FRMD4B: variants seen among roughly 807,000 people sequenced by gnomAD.
FRMD4B encodes FERM domain containing 4B, also known as FERM domain-containing protein 4B.
Under a neutral mutation model 141.5 loss-of-function variants are expected in FRMD4B, and 74 were observed. The ratio of observed to expected loss-of-function variants is 0.52; its 90% CI spans 0.43 to 0.63. The LOEUF is 0.63. FRMD4B is among the 30% of genes least tolerant of loss of function. The pLI is 0.00. For synonymous variants in FRMD4B, 506 were observed against 467.9 expected (o/e 1.08, Z -1.05); for missense variants, 1,366 against 1,253.4 (o/e 1.09, Z -1.36).
At chr3:69,313,151 A>C (rs936238132) in intron 2 of FRMD4B, among the ~76,000 whole-genome samples, 1 of 152,204 alleles carries the variant, frequency 6.6e-6, no homozygotes, top group South Asian at 2.1e-4. Context: ...TCAGAGAAGT[A>C]AAGTCAATTT....
rs145921735 is a variant in FRMD4B, at chr3:69,356,422, C to T, written c.162+29406G>A. On this transcript the variant is annotated intron_variant, in intron 1 of 22. Coordinates refer to ENST00000398540, the MANE Select transcript of FRMD4B (RefSeq NM_015123.3). ...AGCCTCCCAGCCTACATCTTTCTCT[C>T]GTGCTGGATGCTTCCTGACCTGGAA... Among the ~76,000 whole-genome samples the T allele has an allele frequency of 1.9e-3, 296 of 152,188 alleles. 2 individuals carry two copies. The highest frequency in any genetic ancestry group is 6.8e-3 in the African/African-American group (283 of 41,542).
intron 2 of FRMD4B, among the ~76,000 whole-genome samples, chr3:69,429,754 T>C (rs1472772360): frequency 7.4e-6 from 1 of 134,400 alleles, no homozygotes; most frequent in Non-Finnish European, 1.5e-5. Flanking sequence ...CCTCTTCTTT[T>C]TTTTTTTTTT....
Position 69,216,295 on chromosome 3 carries a change from A to G in FRMD4B, c.844T>C (p.Tyr282His). Residue 282 changes from tyrosine to histidine, a missense_variant, in exon 11 of 23, where the codon TAT (tyrosine) becomes CAT (histidine). Coordinates refer to ENST00000398540, the MANE Select transcript of FRMD4B (RefSeq NM_015123.3). ...LGISYKGIGQYDIQDKVKPRK... is the reference protein window; with the variant it reads ...LGISYKGIGQHDIQDKVKPRK... ...GGCTTCACCTTGTCTTGTATATCAT[A>G]TTGGCCAATTCCCTTATAGCTTATT... 16 of 1,574,358 alleles carry G rather than the reference A, an allele frequency of 1.0e-5. No homozygotes were observed. Among genetic ancestry groups the G allele is most frequent in the Non-Finnish European group, 1.3e-5 (15 of 1,152,942 alleles).
At chr3:69,353,654 T>G in intron 1 of FRMD4B, 2 of 983,128 alleles carry the variant, frequency 2.0e-6, no homozygotes, top group Non-Finnish European at 2.4e-6. Flanking sequence ...CGCGCGCGTG[T>G]GTGTGCGCGC....
chr3:69,236,256 T>C (rs1234082985), intron 7 of FRMD4B, among the ~76,000 whole-genome samples: 1 of 149,496 alleles, frequency 6.7e-6, no homozygotes, highest in Non-Finnish European at 1.5e-5. Flanking sequence ...CGAGATGGAG[T>C]CTCGCTCTGT....
At chr3:69,379,003 G>C (rs1313028206) in intron 1 of FRMD4B, among the ~76,000 whole-genome samples, 1 of 152,056 alleles carries the variant, frequency 6.6e-6, no homozygotes, top group East Asian at 1.9e-4. Flanking sequence ...CATCTAAAAA[G>C]GCAAAGCCCT....
At chr3:69,406,537 C>A (rs778296834) in intron 2 of FRMD4B, among the ~76,000 whole-genome samples, 8 of 151,668 alleles carry the variant, frequency 5.3e-5, no homozygotes, top group Non-Finnish European at 7.3e-5. Flanking sequence ...TCCTCTCCAA[C>A]TTCTGGGGAA....
intron 1 of FRMD4B, among the ~76,000 whole-genome samples, chr3:69,535,377 G>T (rs1017898415): frequency 7.9e-5 from 12 of 152,312 alleles, no homozygotes; most frequent in African/African-American, 2.6e-4. Context: ...ATAGGGTGCG[G>T]TGAGCATTGA....
chr3:69,288,026 ATC>A (rs1700748741), intron 4 of FRMD4B, among the ~76,000 whole-genome samples, 190 bp from the exon 5 acceptor site: 1 of 152,216 alleles, frequency 6.6e-6, no homozygotes, highest in Non-Finnish European at 1.5e-5. Flanking sequence ...TATACCTAAA[ATC>A]TCTTTCAGGA....
rs535651320 is a variant in FRMD4B, at chr3:69,376,373, A to G, written c.162+9455T>C. On this transcript the variant is annotated intron_variant, in intron 1 of 22. Transcript: ENST00000398540. ...ATTGAAATAAGTCCTAAAGTTTTTT[A>G]TTCTTAAAGGTAGCACATGCAAAGT... Among the ~76,000 whole-genome samples, 43 of 152,172 alleles carry G rather than the reference A, an allele frequency of 2.8e-4. No individual in the cohort carries two copies. The South Asian group carries it at 8.5e-3, about 30-fold the overall frequency.
At chr3:69,206,253 G>A (rs2093023519) in intron 11 of FRMD4B, among the ~76,000 whole-genome samples, 1 of 152,150 alleles carries the variant, frequency 6.6e-6, no homozygotes, top group Non-Finnish European at 1.5e-5. Context: ...GGGAGGCTGA[G>A]GCAGGAAAAT....
chr3:69,263,491 C>T (rs963785428), intron 5 of FRMD4B, among the ~76,000 whole-genome samples: 3 of 147,982 alleles, frequency 2.0e-5, no homozygotes, highest in African/African-American at 7.5e-5. Flanking sequence ...ACTGCAGCCT[C>T]GAACTCCTGG....
chr3:69,255,443 G>A (rs573985421), intron 5 of FRMD4B, among the ~76,000 whole-genome samples: 1 of 152,148 alleles, frequency 6.6e-6, no homozygotes, highest in Non-Finnish European at 1.5e-5. Flanking sequence ...TACTCAGGAG[G>A]TGGAGTGGGG....
chr3:69,540,550 G>C lies in FRMD4B; in HGVS notation c.-129+1656C>G, dbSNP rs1426213128. On this transcript the variant is annotated intron_variant, in intron 1 of 5. Transcript: ENST00000459638. ...ACTCGCTTGAACTCGGGAGGCAGAG[G>C]TTGCAGTGAGCCGAGATCGGCCACT... 4.2e-5 allele frequency among the ~76,000 whole-genome samples: 6 copies of C among 142,854 alleles called. No individual in the cohort carries two copies. In the East Asian group the frequency reaches 1.3e-3, roughly 30 times the overall value. 93.7% of individuals were successfully genotyped at this position (142,854 alleles called of 152,430 possible). A position where few individuals can be genotyped will look rare whatever the true frequency, so the allele number is the denominator to read the frequency against.
chr3:69,267,207 A>G (rs1040449435), intron 5 of FRMD4B, among the ~76,000 whole-genome samples: 1 of 152,200 alleles, frequency 6.6e-6, no homozygotes, highest in African/African-American at 2.4e-5. Flanking sequence ...AGAGAAATCC[A>G]TATTTCACAA....
chr3:69,540,751 C>G (rs1701170205), intron 1 of FRMD4B, among the ~76,000 whole-genome samples: 1 of 150,372 alleles, frequency 6.7e-6, no homozygotes, highest in African/African-American at 2.5e-5. Context: ...CACTGCAGCA[C>G]ATCCCTTTCG....
At chr3:69,247,163 C>A (rs2093430795) in intron 7 of FRMD4B, among the ~76,000 whole-genome samples, 1 of 150,780 alleles carries the variant, frequency 6.6e-6, no homozygotes, top group African/African-American at 2.4e-5. Context: ...TTGCTATAAG[C>A]CAGATGTTGC....
chr3:69,412,997 G>T (rs1279957245), intron 2 of FRMD4B, among the ~76,000 whole-genome samples: 1 of 151,692 alleles, frequency 6.6e-6, no homozygotes, highest in Non-Finnish European at 1.5e-5. Flanking sequence ...AGTTATCATG[G>T]TTTCCTCTTT....
chr3:69,460,111 A>C (rs1334390842), intron 1 of FRMD4B, among the ~76,000 whole-genome samples: 2 of 152,190 alleles, frequency 1.3e-5, no homozygotes, highest in Non-Finnish European at 2.9e-5. Context: ...TTCGCTTCAG[A>C]GATTTCCATC....
Sources: allele counts gnomAD v4.1 joint callset (sites outside exome capture counted in the v4.1 genomes callset), GRCh38; gene constraint gnomAD v4.1.1; transcripts MANE v1.5; gene names NCBI Gene and HGNC (gene_info 2026-07-23, HGNC 2026-07-21).